The following MDC1 variants were observed in gnomAD, a reference collection of about 807,000 sequenced individuals.
MDC1 encodes the protein mediator of DNA damage checkpoint protein 1.
MDC1 carries 81 observed loss-of-function variants against 142.5 expected under a neutral mutation model. The observed-to-expected ratio is 0.57, with a 90% CI of 0.47 to 0.68. The LOEUF (loss-of-function observed/expected upper bound fraction) is 0.68. Among genes scored for constraint, MDC1 ranks in the 30% least tolerant of loss-of-function variants. The pLI is 0.00. For missense variants in MDC1, 2,119 were observed against 2,547.9 expected (o/e 0.83, Z 3.62); for synonymous variants, 797 against 968.4 (o/e 0.82, Z 3.29).
chr6:30,705,625 A>G lies in MDC1; in HGVS notation c.3558T>C (p.Val1186=). The part of the protein sequence containing the change: ...QPVTSEPTSQ[V]TRGRKSRSSV... ...AGGATCTACTTTTTCTTCCCCTAGT[A>G]ACCTGAGATGTGGGCTCAGAGGTGA... is the stretch of plus-strand genomic sequence containing the variant. Residue 1186 remains valine (V), a synonymous_variant, in exon 10 of 15, where the codon GTT becomes GTC. Coordinates refer to ENST00000376406, the MANE Select transcript of MDC1 (RefSeq NM_014641.3). 5 of 1,598,226 alleles carry G rather than the reference A, an allele frequency of 3.1e-6. No homozygotes were observed. The highest frequency in any genetic ancestry group is 4.3e-6 in the Non-Finnish European group (5 of 1,174,010).
In MDC1 at chr6:30,704,106, G is replaced by A. The variant is rs759278911; in HGVS notation, c.5077C>T (p.Pro1693Ser). ...TGGAATTCAGGGGTGGTAGGAACCG[G>A]CATAGCTCTTACTGTGGAAGACCTC... is the stretch of plus-strand genomic sequence containing the variant. ...TLRSSTVRAM[P>S]VPTTPEFQSP... Residue 1693 changes from proline (P) to serine (S), a missense_variant, in exon 10 of 15, where the codon CCG becomes TCG. Pro to Ser is a moderately conservative substitution (Grantham distance 74). Transcript: ENST00000376406. 35 of 1,613,936 alleles carry A rather than the reference G, an allele frequency of 2.2e-5. No individual in the cohort carries two copies. Among genetic ancestry groups the A allele is most frequent in the Non-Finnish European group, 2.7e-5 (32 of 1,179,992 alleles).
Position 30,711,961 on chromosome 6 carries a change from G to T in MDC1, c.1981C>A (p.Pro661Thr). 1.3e-6 allele frequency: 2 copies of T among 1,576,720 alleles called. No individual in the cohort carries two copies. The highest frequency in any genetic ancestry group is 1.2e-5 in the South Asian group (1 of 85,352). ...DTDTLGESTQ[P>T]QREGAQVPTG... is the part of the protein sequence containing the mutation. ...GGGACCTGGGCTCCCTCTCTCTGTGGCTGGGTGGATTCCCCTAGAGTGTCT... is the reference window on the plus strand; with the variant it reads ...GGGACCTGGGCTCCCTCTCTCTGTGTCTGGGTGGATTCCCCTAGAGTGTCT... The change falls in exon 5 of 15, where the codon CCA becomes ACA. Residue 661 changes from proline to threonine, a missense_variant. By Grantham distance (38) the Pro-to-Thr change is conservative. Transcript: ENST00000376406.
At chr6:30,700,930 G>A (rs1772534622) in intron 14 of MDC1, among the ~76,000 whole-genome samples, 1 of 147,810 alleles carries the variant, frequency 6.8e-6, no homozygotes, top group Admixed American at 6.8e-5. Context: ...AAAATTAGCC[G>A]GGCGCGCTGA....
In MDC1 at chr6:30,703,230, C is replaced by T; in HGVS notation, c.5739G>A (p.Gly1913=). The change falls in exon 12 of 15, where the codon GGG becomes GGA. Residue 1913 remains glycine (G), a synonymous_variant. Coordinates refer to ENST00000376406, the MANE Select transcript of MDC1 (RefSeq NM_014641.3). The surrounding 1 kb of genome is among the most constrained non-coding windows in gnomAD (Gnocchi z 4.4). ...ARGERAVLAL[G]GSLAGSAAEA... is the part of the protein sequence containing the mutation. ...CTGCCGCTGAACCAGCCAGACTTCC[C>T]CCCAGTGCCAGCACAGCCCGCTCTC... 2 of 1,613,128 alleles carry T rather than the reference C, an allele frequency of 1.2e-6. No homozygotes were observed. Among genetic ancestry groups the T allele is most frequent in the African/African-American group, 1.3e-5 (1 of 75,060 alleles).
In MDC1 at chr6:30,705,305, G is replaced by T; in HGVS notation, c.3878C>A (p.Pro1293His). Residue 1293 changes from proline to histidine, a missense_variant, in exon 10 of 15, where the codon CCT (proline) becomes CAT (histidine). By Grantham distance (77) the Pro-to-His change is moderately conservative. Coordinates refer to ENST00000376406, the MANE Select transcript of MDC1 (RefSeq NM_014641.3). ...GACAGGTCGGTCTGTGGAGGTGGAA[G>T]GCCGGAGCTCAGGGGCTGTGGGCAC... Reference protein sequence around the residue: ...PVVPTAPELRPSTSTDRPVTP... With the variant: ...PVVPTAPELRHSTSTDRPVTP... 3 of 1,602,390 alleles carry T rather than the reference G, an allele frequency of 1.9e-6. No individual in the cohort carries two copies. Among genetic ancestry groups the T allele is most frequent in the South Asian group, 1.1e-5 (1 of 89,820 alleles).
At chr6:30,702,211 C>T (rs867791352) in intron 14 of MDC1, among the ~76,000 whole-genome samples, 1 of 127,490 alleles carries the variant, frequency 7.8e-6, no homozygotes, top group Middle Eastern at 5.2e-3. Flanking sequence ...TGTAGTGAGC[C>T]GAGATTGTGC....
Position 30,709,772 on chromosome 6 carries a change from T to C in MDC1, c.2222-1415A>G, listed in dbSNP as rs1470439557. Among the ~76,000 whole-genome samples the C allele has an allele frequency of 6.7e-6, 1 of 150,356 alleles. No individual in the cohort carries two copies. The highest frequency in any genetic ancestry group is 6.6e-5 in the Admixed American group (1 of 15,120). ...TGAGCATACAATATTTGCCTTTCTG[T>C]GCTGACTTATTTCACTTAACATAAT... is the stretch of plus-strand genomic sequence containing the variant. On this transcript the variant is annotated intron_variant, in intron 7 of 14. Coordinates refer to ENST00000376406, the MANE Select transcript of MDC1 (RefSeq NM_014641.3). The surrounding 1 kb of genome is among the most constrained non-coding windows in gnomAD (Gnocchi z 4.2).
chr6:30,707,565 C>A lies in MDC1; in HGVS notation c.3013+1G>T, dbSNP rs1243462812. 1 of 1,612,172 alleles carries A rather than the reference C, an allele frequency of 6.2e-7. No individual in the cohort carries two copies. Among genetic ancestry groups the A allele is most frequent in the African/African-American group, 1.3e-5 (1 of 74,922 alleles). ...TTGGGTTCCCCTCTGCCTTCACTTA[C>A]CTTTCTGATGCCTCCTGGGGCTCAC... On this transcript the variant is annotated splice_donor_variant, in intron 8 of 14. Coordinates refer to ENST00000376406, the MANE Select transcript of MDC1 (RefSeq NM_014641.3). LOFTEE classifies it high-confidence loss of function.
In MDC1 at chr6:30,713,885, C is replaced by A. The variant is rs772186048; in HGVS notation, c.435G>T (p.Leu145=). The A allele has an allele frequency of 3.1e-6, 5 of 1,613,842 alleles. No individual in the cohort carries two copies. In the South Asian group the frequency reaches 5.5e-5, roughly 18 times the overall value. ...GTACTCTGGGTGTCTCTTCTACTGT[C>A]AGAGGGCCCCGGGAGACAAAGGGCA... is the stretch of plus-strand genomic sequence containing the variant. ...VSLPFVSRGP[L]TVEETPRVQG... Residue 145 remains leucine, a synonymous_variant, in exon 3 of 15, where the codon CTG becomes CTT. Transcript: ENST00000376406. This position sits in a 1 kb window ranked among gnomAD's most constrained non-coding sequence, Gnocchi z 4.9.
Position 30,712,712 on chromosome 6 carries a change from G to A in MDC1, c.1230C>T (p.Val410=). Residue 410 remains valine, a synonymous_variant, in exon 5 of 15, where the codon GTC becomes GTT. Coordinates refer to ENST00000376406, the MANE Select transcript of MDC1 (RefSeq NM_014641.3). The surrounding 1 kb of genome is among the most constrained non-coding windows in gnomAD (Gnocchi z 4.7). Reference sequence around the variant, plus strand: ...GATGTGCCAAAGTCAGCGCTGCTGAGACTTCTTCCTCGTCATCTGTATCGC... The same window carrying A: ...GATGTGCCAAAGTCAGCGCTGCTGAAACTTCTTCCTCGTCATCTGTATCGC... ...INSDTDDEEE[V]SAALTLAHLK... The A allele has an allele frequency of 6.2e-7, 1 of 1,613,054 alleles. No homozygotes were observed. The highest frequency in any genetic ancestry group is 8.5e-7 in the Non-Finnish European group (1 of 1,180,038).
intron 9 of MDC1, among the ~76,000 whole-genome samples, chr6:30,706,809 A>G (rs1469193986): frequency 6.7e-6 from 1 of 150,072 alleles, no homozygotes; most frequent in Non-Finnish European, 1.5e-5. Flanking sequence ...AAAACAAAAA[A>G]ATACACAAAA....
chr6:30,704,031 G>A lies in MDC1; in HGVS notation c.5152C>T (p.Pro1718Ser). The A allele has an allele frequency of 1.2e-6, 2 of 1,614,238 alleles. No individual in the cohort carries two copies. Among genetic ancestry groups the A allele is most frequent in the Non-Finnish European group, 1.7e-6 (2 of 1,180,040 alleles). Residue 1718 changes from proline to serine, a missense_variant, in exon 10 of 15, where the codon CCC becomes TCC. Coordinates refer to ENST00000376406, the MANE Select transcript of MDC1 (RefSeq NM_014641.3). The part of the protein sequence containing the change: ...QPISPEPITQ[P>S]SCIKRQRAAG... ...GCTCTCTGCCTCTTGATGCAACTGGGTTGAGTAATAGGCTCAGGGGAAATA... is the reference window on the plus strand; with the variant it reads ...GCTCTCTGCCTCTTGATGCAACTGGATTGAGTAATAGGCTCAGGGGAAATA...
intron 9 of MDC1, among the ~76,000 whole-genome samples, chr6:30,706,641 A>AT (rs1285989469): frequency 3.6e-4 from 53 of 147,334 alleles, no homozygotes; most frequent in Non-Finnish European, 6.4e-4. Context: ...AAAAAAAAAA[A>AT]AAAAATTAGC....
At position 30,714,132 on chromosome 6, in the gene MDC1, G is replaced by A. The variant is rs746092736; in HGVS notation, c.188C>T (p.Ser63Phe). The change falls in exon 3 of 15, where the codon TCT becomes TTT. Residue 63 changes from serine to phenylalanine, a missense_variant. Transcript: ENST00000376406. ...GATAGATGGAAAGGGCAGGGCCACA[G>A]AGCAGTCAGGCATTCGGCCTACCAC... ...KNVVGRMPDCSVALPFPSISK... is the reference protein window; with the variant it reads ...KNVVGRMPDCFVALPFPSISK... 2 of 1,612,152 alleles carry A rather than the reference G, an allele frequency of 1.2e-6. No homozygotes were observed. Among genetic ancestry groups the A allele is most frequent in the Admixed American group, 3.3e-5 (2 of 60,018 alleles).
chr6:30,716,840 G>T lies in MDC1; in HGVS notation c.-4+405C>A. On this transcript the variant is annotated intron_variant, in intron 1 of 14. Transcript: ENST00000376406. The surrounding 1 kb of genome is among the most constrained non-coding windows in gnomAD (Gnocchi z 4.4). ...CTCATCACCGAGCCTACTGATGAAG[G>T]AACAAATGAGATGGAAAGAAAATAG... The T allele has an allele frequency of 1.1e-6, 1 of 930,390 alleles. No individual in the cohort carries two copies. The highest frequency in any genetic ancestry group is 1.3e-6 in the Non-Finnish European group (1 of 779,694). 57.6% of individuals were successfully genotyped at this position (930,390 alleles called of 1,614,324 possible). A position where few individuals can be genotyped will look rare whatever the true frequency, so the allele number is the denominator to read the frequency against.
Position 30,711,497 on chromosome 6 carries a change from C to T in MDC1, c.2136G>A (p.Gln712=). 6.2e-7 allele frequency: 1 copy of T among 1,613,064 alleles called. No individual in the cohort carries two copies. The highest frequency in any genetic ancestry group is 8.5e-7 in the Non-Finnish European group (1 of 1,179,992). ...FLENQGLEAV[Q]SMEDEPTQAF... ...CCTGGGTAGGTTCATCCTCCATGCT[C>T]TGGACTGCTGTACAGGAAAAGATGG... The change falls in exon 7 of 15, where the codon CAG becomes CAA. Residue 712 remains glutamine, a synonymous_variant. Coordinates refer to ENST00000376406, the MANE Select transcript of MDC1 (RefSeq NM_014641.3).
Position 30,713,181 on chromosome 6 carries a change from G to C in MDC1, c.761C>G (p.Thr254Ser), listed in dbSNP as rs1442550946. The change falls in exon 5 of 15, where the codon ACT becomes AGT. Residue 254 changes from threonine (T) to serine (S), a missense_variant. Thr to Ser is a moderately conservative substitution (Grantham distance 58). Coordinates refer to ENST00000376406, the MANE Select transcript of MDC1 (RefSeq NM_014641.3). The surrounding 1 kb of genome is among the most constrained non-coding windows in gnomAD (Gnocchi z 4.9). ...CTGATCCTTTTCAAGCTGGATTTCA[G>C]TTACAACTTCAGCTTCAGACTGCTT... Reference protein sequence around the residue: ...EAKQSEAEVVTEIQLEKDQPL... With the variant: ...EAKQSEAEVVSEIQLEKDQPL... The C allele has an allele frequency of 6.2e-7, 1 of 1,612,946 alleles. No homozygotes were observed. Among genetic ancestry groups the C allele is most frequent in the African/African-American group, 1.3e-5 (1 of 74,936 alleles).
At position 30,704,444 on chromosome 6, in the gene MDC1, G is replaced by T; in HGVS notation, c.4739C>A (p.Pro1580His). The T allele has an allele frequency of 6.2e-7, 1 of 1,612,554 alleles. No homozygotes were observed. ...GACAAGCTGGTTTCTGGAGGTGGAA[G>T]GCTGAAGCTCAGGGGCTATAGGGAC... Reference protein sequence around the residue: ...SIVPIAPELQPSTSRNQLVTP... With the variant: ...SIVPIAPELQHSTSRNQLVTP... The change falls in exon 10 of 15, where the codon CCT (proline) becomes CAT (histidine). Residue 1580 changes from proline (P) to histidine (H), a missense_variant. Pro to His is a moderately conservative substitution (Grantham distance 77). Coordinates refer to ENST00000376406, the MANE Select transcript of MDC1 (RefSeq NM_014641.3).
chr6:30,705,289 G>A lies in MDC1; in HGVS notation c.3894C>T (p.Asp1298=), dbSNP rs756219886. 9 of 1,603,202 alleles carry A rather than the reference G, an allele frequency of 5.6e-6. No homozygotes were observed. The highest frequency in any genetic ancestry group is 3.5e-5 in the Admixed American group (2 of 57,892). The change falls in exon 10 of 15, where the codon GAC becomes GAT. Residue 1298 remains aspartate (D), a synonymous_variant. Coordinates refer to ENST00000376406, the MANE Select transcript of MDC1 (RefSeq NM_014641.3). ...APELRPSTST[D]RPVTPKPTSR... is the part of the protein sequence containing the mutation. ...ATGTGGGCTTGGGGGTGACAGGTCG[G>A]TCTGTGGAGGTGGAAGGCCGGAGCT...
Sources: gnomAD v4.1 joint callset for allele counts (sites outside exome capture counted in the v4.1 genomes callset) on GRCh38, gnomAD v4.1.1 for gene constraint, Gnocchi (gnomAD v3.1) non-coding constraint, MANE v1.5 for transcripts, NCBI Gene and HGNC (gene_info 2026-07-23, HGNC 2026-07-21) for gene names.